AHI1: variants seen among roughly 807,000 people sequenced by gnomAD.
AHI1 encodes jouberin.
Under a neutral mutation model 149.3 loss-of-function variants are expected in AHI1, and 123 were observed. The observed-to-expected ratio is 0.82, with a 90% CI of 0.71 to 0.96. The LOEUF (loss-of-function observed/expected upper bound fraction) is 0.96. Ranked by LOEUF, AHI1 falls within the 40% of genes least tolerant of loss-of-function variation. The pLI, the probability that AHI1 is intolerant of heterozygous loss-of-function variation, is 0.00. For missense variants in AHI1, 1,439 were observed against 1,422.7 expected (o/e 1.01, Z -0.18); for synonymous variants, 475 against 459.8 (o/e 1.03, Z -0.42).
chr6:135,458,900 T>C (rs1789420267), intron 8 of AHI1, among the ~76,000 whole-genome samples: 1 of 152,192 alleles, frequency 6.6e-6, no homozygotes, highest in Admixed American at 6.5e-5. Flanking sequence ...CGCTGCATTA[T>C]GATAAAAGTG....
At chr6:135,495,396 A>C (rs1369917273) in intron 3 of AHI1, 1 of 152,208 alleles carries the variant, frequency 6.6e-6, no homozygotes, top group Non-Finnish European at 1.5e-5. Context: ...GCAGGCCTTC[A>C]CGTGTGCCAA....
chr6:135,405,489 T>C (rs751182764), intron 21 of AHI1, among the ~76,000 whole-genome samples: 20 of 152,194 alleles, frequency 1.3e-4, no homozygotes, highest in Admixed American at 5.2e-4. Context: ...CAAGAAAAGA[T>C]CATTTTGAAA....
chr6:135,328,333 C>T (rs77546339), intron 24 of AHI1, among the ~76,000 whole-genome samples: 7 of 152,144 alleles, frequency 4.6e-5, no homozygotes, highest in Non-Finnish European at 8.8e-5. Flanking sequence ...TCTATCAAGG[C>T]CATTTTTTTC....
At chr6:135,411,000 G>T (rs1002355564) in intron 21 of AHI1, among the ~76,000 whole-genome samples, 1 of 152,160 alleles carries the variant, frequency 6.6e-6, no homozygotes, top group African/African-American at 2.4e-5. Flanking sequence ...ACGCCACCAT[G>T]CTGGGCTGAT....
At position 135,466,388 on chromosome 6, in the gene AHI1, C is replaced by T; in HGVS notation, c.190-15G>A. The T allele has an allele frequency of 6.2e-7, 1 of 1,603,818 alleles. No individual in the cohort carries two copies. Among genetic ancestry groups the T allele is most frequent in the East Asian group, 2.2e-5 (1 of 44,796 alleles). On this transcript the variant is annotated splice_polypyrimidine_tract_variant and intron_variant, in intron 6 of 28. Coordinates refer to ENST00000265602, the MANE Select transcript of AHI1 (RefSeq NM_001134831.2). The stretch of plus-strand genomic sequence containing the variant: ...ATAGTGTCGGGCTAGGAAAAGAAGA[C>T]ATGATAACAAAGTTTCAGTTACACA...
At chr6:135,437,622 A>G (rs1248281400) in intron 15 of AHI1, among the ~76,000 whole-genome samples, 2 of 152,244 alleles carry the variant, frequency 1.3e-5, no homozygotes, top group African/African-American at 4.8e-5. Flanking sequence ...TTAAGAGAGT[A>G]GAAGGCAGAA....
chr6:135,408,559 G>T (rs1264897271), intron 21 of AHI1, among the ~76,000 whole-genome samples: 3 of 152,016 alleles, frequency 2.0e-5, no homozygotes, highest in African/African-American at 7.2e-5. Flanking sequence ...ACCCAGAGAT[G>T]GAATGTAATC....
rs916761459 is a variant in AHI1, at chr6:135,433,072, C to T, written c.2221G>A (p.Asp741Asn). 6.2e-7 allele frequency: 1 copy of T among 1,613,536 alleles called. No homozygotes were observed. Among genetic ancestry groups the T allele is most frequent in the Non-Finnish European group, 8.5e-7 (1 of 1,179,704 alleles). Residue 741 changes from aspartate to asparagine, a missense_variant, in exon 16 of 29, where the codon GAT (aspartate) becomes AAT (asparagine). Physicochemically the swap from Asp to Asn is conservative, Grantham distance 23. Coordinates refer to ENST00000265602, the MANE Select transcript of AHI1 (RefSeq NM_001134831.2). Reference sequence around the variant, plus strand: ...GAGTTGATAAAACTTTTGTGAACATCAAACTGTCGGACCAATATGGCAGAA... The same window carrying T: ...GAGTTGATAAAACTTTTGTGAACATTAAACTGTCGGACCAATATGGCAGAA... ...EDSAILVRQF[D>N]VHKSFINSLC...
intron 28 of AHI1, among the ~76,000 whole-genome samples, chr6:135,290,114 C>T (rs1782154813): frequency 6.6e-6 from 1 of 152,088 alleles, no homozygotes; most frequent in Non-Finnish European, 1.5e-5. Flanking sequence ...CTTGTCTATA[C>T]CCTGTGTTTT....
At chr6:135,293,392 C>CAAAAAA (rs1175955601) in intron 27 of AHI1, among the ~76,000 whole-genome samples, 4 of 20,118 alleles carry the variant, frequency 2.0e-4, no homozygotes, top group African/African-American at 7.0e-4. Flanking sequence ...GTTAACAGGG[C>CAAAAAA]AAAAAAAAAA....
chr6:135,376,665 C>T (rs577306367), intron 23 of AHI1, among the ~76,000 whole-genome samples: 4 of 151,870 alleles, frequency 2.6e-5, no homozygotes, highest in East Asian at 3.9e-4. Flanking sequence ...GGGCAGATCA[C>T]GAGGTCAGGA....
chr6:135,492,506 C>A, intron 3 of AHI1: 1 of 1,161,140 alleles, frequency 8.6e-7, no homozygotes, highest in Non-Finnish European at 1.1e-6. Context: ...TAGATCATAT[C>A]TGAATAAAGT....
intron 23 of AHI1, among the ~76,000 whole-genome samples, chr6:135,381,350 A>G (rs1373525664): frequency 2.6e-5 from 4 of 152,210 alleles, no homozygotes; most frequent in Non-Finnish European, 4.4e-5. Context: ...AGTATACACA[A>G]TAACACATAT....
chr6:135,479,214 C>A (rs946794780), intron 5 of AHI1, among the ~76,000 whole-genome samples: 3 of 152,238 alleles, frequency 2.0e-5, no homozygotes, highest in African/African-American at 7.2e-5. Context: ...CCTAGTAGAT[C>A]TGTGAGAAGA....
At chr6:135,373,694 C>CAA in intron 23 of AHI1, among the ~76,000 whole-genome samples, 1 of 152,140 alleles carries the variant, frequency 6.6e-6, no homozygotes, top group African/African-American at 2.4e-5. Context: ...GGACTACGAT[C>CAA]AAAGAAAGAA....
At position 135,492,293 on chromosome 6, in the gene AHI1, T is replaced by C; in HGVS notation, c.-54-2A>G. Reference sequence around the variant, plus strand: ...CAAAGCATTGACTCAATCAGGATCCTATCGAAACAAAGGAGATGTATTTGT... The same window carrying C: ...CAAAGCATTGACTCAATCAGGATCCCATCGAAACAAAGGAGATGTATTTGT... On this transcript the variant is annotated splice_acceptor_variant, in intron 3 of 28. Coordinates refer to ENST00000265602, the MANE Select transcript of AHI1 (RefSeq NM_001134831.2). LOFTEE classifies it low-confidence loss of function (5UTR_SPLICE). 3.3e-6 allele frequency: 5 copies of C among 1,507,132 alleles called. No homozygotes were observed. The highest frequency in any genetic ancestry group is 4.4e-6 in the Non-Finnish European group (5 of 1,125,920). 93.4% of individuals were successfully genotyped at this position (1,507,132 alleles called of 1,614,324 possible).
rs574082034 is a variant in AHI1 at position 135,453,627 on chromosome 6, C to A, written c.1345-191G>T. ...CAGTTAGGGAGGGTCCATTTTCTGA[C>A]TATTTTATCTTTCATTAATAAATAC... is the stretch of plus-strand genomic sequence containing the variant. On this transcript the variant is annotated intron_variant, in intron 10 of 28. Transcript: ENST00000265602. Among the ~76,000 whole-genome samples, 8 of 152,224 alleles carry A rather than the reference C, an allele frequency of 5.3e-5. No individual in the cohort carries two copies. The South Asian group carries it at 1.7e-3, about 32-fold the overall frequency.
At chr6:135,394,929 G>A in intron 22 of AHI1, 33 bp from the exon 23 acceptor site, 3 of 1,568,542 alleles carry the variant, frequency 1.9e-6, no homozygotes, top group Non-Finnish European at 1.7e-6. Context: ...AAACTACAGT[G>A]TAATTTCCTG....
chr6:135,343,667 A>C (rs1425525398), intron 24 of AHI1, among the ~76,000 whole-genome samples: 1 of 151,578 alleles, frequency 6.6e-6, no homozygotes, highest in Non-Finnish European at 1.5e-5. Context: ...ACAAACTAAC[A>C]AAAAACCCCC....
Sources: gnomAD v4.1 joint callset for allele counts (sites outside exome capture counted in the v4.1 genomes callset) on GRCh38, gnomAD v4.1.1 for gene constraint, MANE v1.5 for transcripts, NCBI Gene and HGNC (gene_info 2026-07-23, HGNC 2026-07-21) for gene names.